MGAT4C: variants seen among roughly 807,000 people sequenced by gnomAD.
MGAT4C encodes the protein alpha-1,3-mannosyl-glycoprotein 4-beta-N-acetylglucosaminyltransferase C.
MGAT4C carries 19 observed loss-of-function variants against 40.1 expected under a neutral mutation model. The ratio of observed to expected loss-of-function variants is 0.47; its 90% CI spans 0.33 to 0.70. The LOEUF is 0.70. MGAT4C is among the 30% of genes least tolerant of loss of function. The probability of loss-of-function intolerance (pLI) is 0.02; values close to 1 mark genes in which losing one functional copy is unlikely to be tolerated. For synonymous variants in MGAT4C, 181 were observed against 187.1 expected (o/e 0.97, Z 0.27); for missense variants, 491 against 563.2 (o/e 0.87, Z 1.30).
chr12:86,170,434 A>G (rs1003907041), intron 1 of MGAT4C, among the ~76,000 whole-genome samples: 10 of 152,296 alleles, frequency 6.6e-5, no homozygotes, highest in Non-Finnish European at 1.2e-4. Context: ...TCATTAACAC[A>G]TTGTTAATGT....
chr12:86,522,169 T>C (rs774384322), intron 2 of MGAT4C, among the ~76,000 whole-genome samples: 6 of 152,144 alleles, frequency 3.9e-5, no homozygotes, highest in Non-Finnish European at 8.8e-5. Context: ...GAGGATATCT[T>C]TGTCCTGTGA....
intron 4 of MGAT4C, among the ~76,000 whole-genome samples, chr12:86,312,096 A>G (rs1954093642): frequency 6.6e-6 from 1 of 152,124 alleles, no homozygotes; most frequent in Admixed American, 6.5e-5. Context: ...CTTTTTGCAC[A>G]ATGTGTCCTG....
chr12:86,021,135 T>C (rs1889688635), intron 2 of MGAT4C, among the ~76,000 whole-genome samples: 1 of 152,176 alleles, frequency 6.6e-6, no homozygotes, highest in Non-Finnish European at 1.5e-5. Flanking sequence ...TTTACACTGT[T>C]GGTTGGACTG....
intron 2 of MGAT4C, among the ~76,000 whole-genome samples, chr12:86,706,545 AC>A (rs1199009494): frequency 3.3e-5 from 5 of 152,114 alleles, no homozygotes; most frequent in Non-Finnish European, 5.9e-5. Context: ...GGCATGAGCC[AC>A]CACACCCAGC....
chr12:86,113,592 T>G (rs1877840618), intron 1 of MGAT4C, among the ~76,000 whole-genome samples: 1 of 151,870 alleles, frequency 6.6e-6, no homozygotes, highest in Non-Finnish European at 1.5e-5. Flanking sequence ...CGATGTAGTT[T>G]TTACTAAAAT....
chr12:86,112,157 T>A (rs1389946551), intron 1 of MGAT4C, among the ~76,000 whole-genome samples: 1 of 151,746 alleles, frequency 6.6e-6, no homozygotes. Context: ...TAATCAGGAA[T>A]AATAGTTATT....
At chr12:86,576,063 C>A (rs1015020164) in intron 2 of MGAT4C, among the ~76,000 whole-genome samples, 2 of 151,918 alleles carry the variant, frequency 1.3e-5, no homozygotes, top group African/African-American at 4.8e-5. Context: ...CTTTGATTAG[C>A]ATTTCTTTGA....
chr12:86,210,364 T>C (rs1228968314), intron 1 of MGAT4C, among the ~76,000 whole-genome samples: 1 of 152,206 alleles, frequency 6.6e-6, no homozygotes, highest in African/African-American at 2.4e-5. Flanking sequence ...TAAACAAAAG[T>C]GTGCATAACA....
intron 1 of MGAT4C, among the ~76,000 whole-genome samples, chr12:86,835,860 C>T (rs755260024): frequency 6.6e-6 from 1 of 151,880 alleles, no homozygotes; most frequent in Non-Finnish European, 1.5e-5. Context: ...CCCCTCCACA[C>T]ACACACACAA....
intron 2 of MGAT4C, among the ~76,000 whole-genome samples, chr12:86,660,848 A>T (rs775157884): frequency 7.9e-5 from 12 of 152,186 alleles, no homozygotes; most frequent in Non-Finnish European, 1.3e-4. Context: ...CATAACATGC[A>T]TGCCTTATCC....
chr12:86,481,326 T>C (rs1013903761), intron 2 of MGAT4C, among the ~76,000 whole-genome samples: 1 of 152,012 alleles, frequency 6.6e-6, no homozygotes, highest in South Asian at 2.1e-4. Flanking sequence ...CAAAGATTTT[T>C]TTAAAGTTAC....
intron 3 of MGAT4C, among the ~76,000 whole-genome samples, chr12:86,431,521 A>G (rs1421183114): frequency 6.6e-6 from 1 of 152,136 alleles, no homozygotes; most frequent in Non-Finnish European, 1.5e-5. Flanking sequence ...CAACGGTGTT[A>G]TTTTCCAATA....
chr12:86,485,648 T>C (rs1958007658), intron 2 of MGAT4C, among the ~76,000 whole-genome samples: 2 of 152,042 alleles, frequency 1.3e-5, no homozygotes. Flanking sequence ...ACTTGGAAAA[T>C]ATATTGGAGG....
At chr12:86,696,444 T>C (rs1450006804) in intron 2 of MGAT4C, among the ~76,000 whole-genome samples, 1 of 152,144 alleles carries the variant, frequency 6.6e-6, no homozygotes, top group African/African-American at 2.4e-5. Flanking sequence ...TAAGTAAAAG[T>C]CAGAACAGTC....
At chr12:86,403,215 T>C (rs1292646043) in intron 3 of MGAT4C, among the ~76,000 whole-genome samples, 3 of 152,194 alleles carry the variant, frequency 2.0e-5, no homozygotes, top group Non-Finnish European at 4.4e-5. Flanking sequence ...CCTTCCACCA[T>C]TGACATTGAT....
intron 1 of MGAT4C, among the ~76,000 whole-genome samples, chr12:86,786,283 A>AAGAAATCTGCT (rs1390267725): frequency 2.6e-5 from 4 of 152,278 alleles, no homozygotes; most frequent in African/African-American, 7.2e-5. Context: ...TTTCTAACAA[A>AAGAAATCTGCT]AGAAATCTGC....
intron 3 of MGAT4C, among the ~76,000 whole-genome samples, chr12:86,429,314 T>A (rs891373074): frequency 6.6e-6 from 1 of 152,200 alleles, no homozygotes; most frequent in Non-Finnish European, 1.5e-5. Context: ...CAATTGTGTT[T>A]AGAAAATATA....
At chr12:86,471,537 A>G (rs1037267077) in intron 2 of MGAT4C, among the ~76,000 whole-genome samples, 1 of 152,096 alleles carries the variant, frequency 6.6e-6, no homozygotes, top group Non-Finnish European at 1.5e-5. Context: ...CTTACAAAAA[A>G]AGGAGAAAAT....
intron 1 of MGAT4C, among the ~76,000 whole-genome samples, chr12:86,122,915 A>G (rs1276997069): frequency 6.6e-6 from 1 of 152,206 alleles, no homozygotes; most frequent in African/African-American, 2.4e-5. Context: ...ATTAATTATA[A>G]AAAGAAAGGG....
Sources: gnomAD v4.1 joint callset for allele counts (sites outside exome capture counted in the v4.1 genomes callset) on GRCh38, gnomAD v4.1.1 for gene constraint, MANE v1.5 for transcripts, NCBI Gene and HGNC (gene_info 2026-07-23, HGNC 2026-07-21) for gene names.